Variants in GRIN2B observed in about 807,000 individuals in gnomAD.
GRIN2B encodes the protein glutamate receptor ionotropic, NMDA 2B.
GRIN2B carries 5 observed loss-of-function variants against 114.5 expected under a neutral mutation model. The ratio of observed to expected loss-of-function variants is 0.04; its 90% confidence interval spans 0.02 to 0.09. The LOEUF (loss-of-function observed/expected upper bound fraction) is 0.09, where lower values mean the gene tolerates loss of function less well. GRIN2B is among the 10% of genes least tolerant of loss of function. The pLI is 1.00. For missense variants in GRIN2B, 1,108 were observed against 1,943.5 expected (o/e 0.57, Z 8.08); for synonymous variants, 787 against 745.1 (o/e 1.06, Z -0.92).
intron 4 of GRIN2B, among the ~76,000 whole-genome samples, chr12:13,700,604 T>C (rs923353357): frequency 3.3e-5 from 5 of 152,126 alleles, no homozygotes; most frequent in African/African-American, 9.7e-5. Flanking sequence ...TGGAAGAGAA[T>C]TGAGTCCTGG....
At chr12:13,824,993 A>G (rs975428573) in intron 3 of GRIN2B, among the ~76,000 whole-genome samples, 20 of 151,436 alleles carry the variant, frequency 1.3e-4, no homozygotes, top group African/African-American at 4.6e-4. Context: ...TTCTTTCTCT[A>G]GATTCCTAAG....
At chr12:13,575,467 T>C (rs1948762140) in intron 10 of GRIN2B, among the ~76,000 whole-genome samples, 3 of 152,108 alleles carry the variant, frequency 2.0e-5, no homozygotes, top group Admixed American at 2.0e-4. Context: ...GAGGCCAGCC[T>C]GGGAAACATG....
intron 2 of GRIN2B, among the ~76,000 whole-genome samples, chr12:13,910,452 TG>T (rs1866610593): frequency 6.6e-6 from 1 of 152,218 alleles, no homozygotes; most frequent in African/African-American, 2.4e-5. Flanking sequence ...AGCCTTCTCT[TG>T]CTTTCTCTCT....
At chr12:13,675,329 G>A (rs1950062765) in intron 5 of GRIN2B, among the ~76,000 whole-genome samples, 1 of 152,000 alleles carries the variant, frequency 6.6e-6, no homozygotes, top group South Asian at 2.1e-4. Flanking sequence ...GCCTTGCATG[G>A]GAATCCTTCA....
At chr12:13,719,650 C>T (rs1283750387) in intron 4 of GRIN2B, among the ~76,000 whole-genome samples, 1 of 151,986 alleles carries the variant, frequency 6.6e-6, no homozygotes, top group Admixed American at 6.6e-5. Flanking sequence ...GTGATAAGCC[C>T]AAAATGTAGA....
intron 4 of GRIN2B, among the ~76,000 whole-genome samples, chr12:13,688,856 T>C (rs373729270): frequency 4.6e-5 from 7 of 152,320 alleles, no homozygotes; most frequent in East Asian, 1.9e-4. Context: ...TCTTCACTTA[T>C]GATCTGGACA....
At chr12:13,889,623 G>GT (rs1354840284) in intron 2 of GRIN2B, among the ~76,000 whole-genome samples, 1 of 152,162 alleles carries the variant, frequency 6.6e-6, no homozygotes, top group Admixed American at 6.5e-5. Flanking sequence ...AGGCTAGCAT[G>GT]TGGAATCAGA....
intron 3 of GRIN2B, among the ~76,000 whole-genome samples, chr12:13,830,457 A>G (rs541557409): frequency 7.4e-4 from 112 of 152,364 alleles, no homozygotes; most frequent in African/African-American, 2.5e-3. Context: ...CATGAGAGTC[A>G]TAGAGAAACT....
At chr12:13,892,784 G>A (rs10845858) in intron 2 of GRIN2B, among the ~76,000 whole-genome samples, 16,625 of 152,226 alleles carry the variant, frequency 0.11, 1,591 homozygotes, top group East Asian at 0.43. Flanking sequence ...AAATCACATC[G>A]TTCCCTTGAG....
intron 2 of GRIN2B, among the ~76,000 whole-genome samples, chr12:13,874,890 C>A (rs1227992570): frequency 6.6e-6 from 1 of 152,090 alleles, no homozygotes; most frequent in African/African-American, 2.4e-5. Context: ...AACCTATAGG[C>A]ATCTACCCAG....
At position 13,896,225 on chromosome 12, in the gene GRIN2B, C is replaced by A. The variant is rs148330237; in HGVS notation, c.-18-29999G>T. Among the ~76,000 whole-genome samples the A allele has an allele frequency of 3.2e-3, 490 of 152,204 alleles. 1 individual carries two copies. Among genetic ancestry groups the A allele is most frequent in the Non-Finnish European group, 5.2e-3 (356 of 68,016 alleles). ...CAAAGCTGAGAACAGCAGGATCACA[C>A]CAGGGGAAATGAGTAATAGTGAGGA... On this transcript the variant is annotated intron_variant, in intron 2 of 13. Transcript: ENST00000609686.
At chr12:13,774,596 GT>G (rs1863968561) in intron 3 of GRIN2B, among the ~76,000 whole-genome samples, 1 of 152,204 alleles carries the variant, frequency 6.6e-6, no homozygotes, top group Non-Finnish European at 1.5e-5. Context: ...CAAAGCAAGA[GT>G]AAATATCATT....
At chr12:13,597,876 A>T (rs1199594029) in intron 10 of GRIN2B, among the ~76,000 whole-genome samples, 1 of 152,232 alleles carries the variant, frequency 6.6e-6, no homozygotes, top group Non-Finnish European at 1.5e-5. Flanking sequence ...ATATATGTTC[A>T]TTACATAGTT....
intron 4 of GRIN2B, among the ~76,000 whole-genome samples, chr12:13,685,079 G>T (rs893911928): frequency 6.6e-6 from 1 of 152,180 alleles, no homozygotes; most frequent in African/African-American, 2.4e-5. Flanking sequence ...AAGCCCTTGG[G>T]TAAGAACCTA....
intron 4 of GRIN2B, among the ~76,000 whole-genome samples, chr12:13,739,836 A>C (rs763182422): frequency 3.9e-5 from 6 of 152,180 alleles, no homozygotes; most frequent in Non-Finnish European, 7.3e-5. Context: ...TGCTATGAAG[A>C]GGAATCACAT....
At chr12:13,963,415 G>A (rs994921223) in intron 2 of GRIN2B, among the ~76,000 whole-genome samples, 1 of 152,176 alleles carries the variant, frequency 6.6e-6, no homozygotes, top group African/African-American at 2.4e-5. Context: ...ACAGGCTGGG[G>A]TAGGCATTTA....
chr12:13,674,038 T>G (rs1950047167), intron 5 of GRIN2B, among the ~76,000 whole-genome samples: 1 of 151,944 alleles, frequency 6.6e-6, no homozygotes. Context: ...AAATGATAAC[T>G]CAGTGGAGGG....
chr12:13,679,022 G>T (rs1356257792), intron 4 of GRIN2B, among the ~76,000 whole-genome samples: 1 of 151,524 alleles, frequency 6.6e-6, no homozygotes, highest in Non-Finnish European at 1.5e-5. Context: ...GAAAAAGGAA[G>T]AAAAGGAAAG....
At chr12:13,687,604 A>G (rs1475549738) in intron 4 of GRIN2B, among the ~76,000 whole-genome samples, 3 of 152,206 alleles carry the variant, frequency 2.0e-5, no homozygotes, top group African/African-American at 7.2e-5. Context: ...CAAACTTAAC[A>G]TGACCAAGTC....
Sources: allele counts gnomAD v4.1 joint callset (sites outside exome capture counted in the v4.1 genomes callset), GRCh38; gene constraint gnomAD v4.1.1; transcripts MANE v1.5; gene names NCBI Gene and HGNC (gene_info 2026-07-23, HGNC 2026-07-21).